Variants in ACBD6 observed in about 807,000 individuals in gnomAD.
The protein encoded by ACBD6 is acyl-CoA binding domain containing 6.
Under a neutral mutation model 37.2 loss-of-function variants are expected in ACBD6, and 28 were observed. The ratio of observed to expected loss-of-function variants is 0.75; its 90% CI spans 0.56 to 1.03. ACBD6 has a LOEUF of 1.03. Ranked by LOEUF, ACBD6 falls within the 50% of genes least tolerant of loss-of-function variation. The probability of loss-of-function intolerance (pLI) is 0.00; values close to 1 mark genes in which losing one functional copy is unlikely to be tolerated. For missense variants in ACBD6, 340 were observed against 337.4 expected (o/e 1.01, Z -0.06); for synonymous variants, 113 against 126.8 (o/e 0.89, Z 0.73).
At chr1:180,435,419 T>G in intron 3 of ACBD6, 1 of 352,228 alleles carries the variant, frequency 2.8e-6, no homozygotes, top group Non-Finnish European at 5.2e-6. Flanking sequence ...TGGCTAATTT[T>G]TTTTTTTTTT....
intron 7 of ACBD6, among the ~76,000 whole-genome samples, chr1:180,294,459 A>G (rs1225131173): frequency 6.6e-6 from 1 of 151,772 alleles, no homozygotes; most frequent in Non-Finnish European, 1.5e-5. Flanking sequence ...AATCGCTTGA[A>G]CCTGGGAGGT....
chr1:180,276,073 C>T (rs1027814740), intron 9 of ACBD6: 1 of 109,534 alleles, frequency 9.1e-6, no homozygotes, highest in Non-Finnish European at 1.8e-5. Flanking sequence ...GGAATTTATT[C>T]CTGTCCCTCT....
At chr1:180,324,626 T>C (rs2149296702) in intron 6 of ACBD6, among the ~76,000 whole-genome samples, 1 of 152,304 alleles carries the variant, frequency 6.6e-6, no homozygotes, top group South Asian at 2.1e-4. Flanking sequence ...TTAAGAGTAG[T>C]TTACAAACCA....
At chr1:180,315,429 TAATC>T (rs1039437949) in intron 6 of ACBD6, among the ~76,000 whole-genome samples, 11 of 152,182 alleles carry the variant, frequency 7.2e-5, no homozygotes, top group African/African-American at 2.4e-4. Context: ...GAGCAACAAA[TAATC>T]AAAGTACACA....
intron 3 of ACBD6, among the ~76,000 whole-genome samples, chr1:180,482,973 G>A (rs1311964995): frequency 1.3e-5 from 2 of 152,078 alleles, no homozygotes; most frequent in Non-Finnish European, 2.9e-5. Flanking sequence ...ATATCATTTA[G>A]TGGACAATGT....
intron 1 of ACBD6, among the ~76,000 whole-genome samples, chr1:180,498,198 T>A (rs1651808627): frequency 6.6e-6 from 1 of 152,228 alleles, no homozygotes; most frequent in African/African-American, 2.4e-5. Context: ...TTTTAAGTAC[T>A]GGGAAGCTGT....
intron 6 of ACBD6, among the ~76,000 whole-genome samples, chr1:180,321,008 C>T (rs547832701): frequency 3.2e-4 from 48 of 152,184 alleles, no homozygotes; most frequent in Admixed American, 2.7e-3. Flanking sequence ...CTTCTGCATA[C>T]GGGTATCTAG....
chr1:180,405,321 G>A (rs1027578926), intron 5 of ACBD6, among the ~76,000 whole-genome samples: 22 of 152,224 alleles, frequency 1.4e-4, no homozygotes, highest in African/African-American at 5.1e-4. Flanking sequence ...AAAAGGAAAC[G>A]AATGGTAGTC....
chr1:180,276,931 T>A (rs984710083), intron 9 of ACBD6: 13 of 152,306 alleles, frequency 8.5e-5, no homozygotes, highest in African/African-American at 3.1e-4. Flanking sequence ...CCCAGTTCAA[T>A]AGTGGAAGGA....
chr1:180,501,820 C>T (rs1055943894), intron 1 of ACBD6, among the ~76,000 whole-genome samples: 2 of 151,792 alleles, frequency 1.3e-5, no homozygotes, highest in Non-Finnish European at 2.9e-5. Context: ...AAAACAATGT[C>T]CAGTGTCCAG....
chr1:180,297,232 C>T (rs1360547572), intron 7 of ACBD6, among the ~76,000 whole-genome samples: 3 of 152,034 alleles, frequency 2.0e-5, no homozygotes, highest in African/African-American at 7.2e-5. Context: ...GTGAAGTGTG[C>T]ACAGAGCCGA....
chr1:180,333,685 C>T (rs769588705), intron 6 of ACBD6, among the ~76,000 whole-genome samples: 7 of 152,152 alleles, frequency 4.6e-5, no homozygotes, highest in African/African-American at 7.2e-5. Context: ...GTGAGTGCAG[C>T]GCACTGAGCG....
intron 3 of ACBD6, among the ~76,000 whole-genome samples, chr1:180,472,202 C>T (rs1233166304): frequency 6.6e-6 from 1 of 152,212 alleles, no homozygotes; most frequent in Admixed American, 6.5e-5. Context: ...GTATCCTCTG[C>T]TGGGCCCATT....
At chr1:180,460,101 AGATATATCTCCT>A in intron 3 of ACBD6, among the ~76,000 whole-genome samples, 1 of 150,772 alleles carries the variant, frequency 6.6e-6, no homozygotes, top group South Asian at 2.1e-4. Flanking sequence ...ATTTAACATT[AGATATATCTCCT>A]AATGCTATCC....
intron 1 of ACBD6, 125 bp downstream of exon 1, chr1:180,501,920 A>G: frequency 1.1e-6 from 1 of 942,982 alleles, no homozygotes; most frequent in Middle Eastern, 2.2e-4. Flanking sequence ...AAAAAAAAAC[A>G]AAACAAAATA....
chr1:180,367,741 A>G (rs1444499954), intron 6 of ACBD6, among the ~76,000 whole-genome samples: 1 of 152,104 alleles, frequency 6.6e-6, no homozygotes. Context: ...TTATGGCTGC[A>G]TAGTATTCTG....
chr1:180,422,209 T>C (rs1355930885), intron 4 of ACBD6, among the ~76,000 whole-genome samples: 2 of 150,678 alleles, frequency 1.3e-5, no homozygotes, highest in African/African-American at 2.5e-5. Context: ...CTTTTCTTTT[T>C]TCTTTTTTTT....
chr1:180,444,599 T>C (rs1248391534), intron 3 of ACBD6, among the ~76,000 whole-genome samples: 3 of 152,230 alleles, frequency 2.0e-5, no homozygotes, highest in Non-Finnish European at 1.5e-5. Context: ...TGGATAAACT[T>C]TGGCTACTTT....
intron 3 of ACBD6, among the ~76,000 whole-genome samples, chr1:180,487,803 T>C (rs899381770): frequency 7.2e-5 from 11 of 152,172 alleles, no homozygotes; most frequent in African/African-American, 2.4e-4. Context: ...CTGTCACACC[T>C]TAAACTACAA....
Sources: gnomAD v4.1 joint callset for allele counts (sites outside exome capture counted in the v4.1 genomes callset) on GRCh38, gnomAD v4.1.1 for gene constraint, MANE v1.5 for transcripts, NCBI Gene and HGNC (gene_info 2026-07-23, HGNC 2026-07-21) for gene names.